PDE4B: variants seen among roughly 807,000 people sequenced by gnomAD.
The protein encoded by PDE4B is 3',5'-cyclic-AMP phosphodiesterase 4B.
A neutral mutation model predicts 82.2 loss-of-function variants in PDE4B; 20 were observed. The ratio of observed to expected loss-of-function variants is 0.24; its 90% CI spans 0.17 to 0.35. PDE4B has a LOEUF of 0.35. PDE4B is among the 10% of genes least tolerant of loss of function. The pLI, the probability that PDE4B is intolerant of heterozygous loss-of-function variation, is 1.00. For synonymous variants in PDE4B, 320 were observed against 318.9 expected, an observed-to-expected ratio of 1.00 and a Z score of -0.04; for missense variants, 655 against 907.2, an observed-to-expected ratio of 0.72 and a Z score of 3.57.
chr1:66,257,522 T>C, intron 4 of PDE4B, 125 bp from the exon 5 acceptor site: 1 of 987,268 alleles, frequency 1.0e-6, no homozygotes, highest in Non-Finnish European at 1.6e-6. Flanking sequence ...CTGTCTTATA[T>C]CCAGGTAGAA....
At chr1:65,922,684 G>C (rs1647290941) in intron 3 of PDE4B, among the ~76,000 whole-genome samples, 2 of 152,118 alleles carry the variant, frequency 1.3e-5, no homozygotes. Flanking sequence ...AAAGTAGAGG[G>C]AAGGATTGAA....
chr1:65,967,189 A>G (rs1460795196), intron 3 of PDE4B, among the ~76,000 whole-genome samples: 1 of 152,220 alleles, frequency 6.6e-6, no homozygotes, highest in Non-Finnish European at 1.5e-5. Context: ...ACAAATTTAC[A>G]AGAAAAAAAA....
At chr1:66,118,131 A>G (rs1318403226) in intron 3 of PDE4B, among the ~76,000 whole-genome samples, 2 of 152,128 alleles carry the variant, frequency 1.3e-5, no homozygotes, top group Non-Finnish European at 2.9e-5. Flanking sequence ...GTCTGTTCAT[A>G]TCCTTCACCC....
At chr1:65,958,763 C>CAG (rs904674816) in intron 3 of PDE4B, among the ~76,000 whole-genome samples, 4 of 149,012 alleles carry the variant, frequency 2.7e-5, no homozygotes, top group Admixed American at 1.3e-4. Flanking sequence ...CGCGCGCGCG[C>CAG]GCACACACAT....
At chr1:66,269,680 C>T (rs1186672470) in intron 7 of PDE4B, among the ~76,000 whole-genome samples, 1 of 152,136 alleles carries the variant, frequency 6.6e-6, no homozygotes, top group Non-Finnish European at 1.5e-5. Context: ...TGATAATTGT[C>T]GCCTTTTTTC....
intron 1 of PDE4B, among the ~76,000 whole-genome samples, chr1:65,878,385 G>A (rs1489094736): frequency 1.3e-5 from 2 of 152,144 alleles, no homozygotes; most frequent in Non-Finnish European, 2.9e-5. Context: ...TACTGGGTAT[G>A]TACCCAAAGG....
At chr1:65,843,676 G>T (rs552371049) in intron 1 of PDE4B, among the ~76,000 whole-genome samples, 2 of 151,788 alleles carry the variant, frequency 1.3e-5, no homozygotes, top group East Asian at 1.9e-4. Context: ...GACAGGATTT[G>T]TTTTTTTTCC....
At chr1:66,164,023 G>A (rs1341679495) in intron 3 of PDE4B, among the ~76,000 whole-genome samples, 1 of 152,142 alleles carries the variant, frequency 6.6e-6, no homozygotes, top group East Asian at 1.9e-4. Context: ...TTGTCTATAA[G>A]TATGCAAGTC....
intron 1 of PDE4B, among the ~76,000 whole-genome samples, chr1:65,834,811 A>G (rs1646122816): frequency 6.6e-6 from 1 of 152,118 alleles, no homozygotes; most frequent in Non-Finnish European, 1.5e-5. Context: ...TCACACCAAA[A>G]TCAATAGAGA....
At chr1:66,178,466 T>C (rs1313680770) in intron 3 of PDE4B, among the ~76,000 whole-genome samples, 1 of 152,206 alleles carries the variant, frequency 6.6e-6, no homozygotes, top group Non-Finnish European at 1.5e-5. Flanking sequence ...TACTGATTTC[T>C]TGATTGCTAA....
intron 16 of PDE4B, among the ~76,000 whole-genome samples, chr1:66,371,371 A>T (rs918534268): frequency 6.6e-6 from 1 of 151,342 alleles, no homozygotes; most frequent in African/African-American, 2.4e-5. Flanking sequence ...CCCTCATTCA[A>T]CTAGTGCCTG....
intron 3 of PDE4B, among the ~76,000 whole-genome samples, chr1:66,195,395 G>A (rs978404362): frequency 2.0e-5 from 3 of 152,296 alleles, no homozygotes; most frequent in Middle Eastern, 6.8e-3. Flanking sequence ...ACTAAAAGGA[G>A]TCTTTAAGTA....
chr1:66,259,225 G>A (rs1179238888), intron 6 of PDE4B, among the ~76,000 whole-genome samples: 9 of 152,024 alleles, frequency 5.9e-5, no homozygotes, highest in Non-Finnish European at 1.2e-4. Context: ...ATGGATATAT[G>A]CATTTAACAA....
chr1:66,249,762 T>A (rs1391679443), intron 4 of PDE4B, among the ~76,000 whole-genome samples: 1 of 150,658 alleles, frequency 6.6e-6, no homozygotes, highest in Admixed American at 6.7e-5. Flanking sequence ...TTATTTAATA[T>A]CATTCTCACT....
chr1:66,240,173 CCA>C (rs1652781002), intron 3 of PDE4B, among the ~76,000 whole-genome samples: 1 of 152,196 alleles, frequency 6.6e-6, no homozygotes, highest in African/African-American at 2.4e-5. Context: ...ACCGTATCAC[CCA>C]CAGTCAGTCT....
At chr1:66,342,435 C>A (rs534340753) in intron 8 of PDE4B, among the ~76,000 whole-genome samples, 1 of 151,366 alleles carries the variant, frequency 6.6e-6, no homozygotes. Flanking sequence ...AGTGACTGGG[C>A]GCAGTGGCTC....
At chr1:66,041,527 T>G (rs572033754) in intron 3 of PDE4B, among the ~76,000 whole-genome samples, 13 of 152,042 alleles carry the variant, frequency 8.6e-5, no homozygotes, top group Admixed American at 7.2e-4. Context: ...CTGTCATTGC[T>G]TATACTTTAC....
chr1:65,860,381 CT>C (rs1251673946), intron 1 of PDE4B, among the ~76,000 whole-genome samples: 1 of 152,130 alleles, frequency 6.6e-6, no homozygotes, highest in Non-Finnish European at 1.5e-5. Flanking sequence ...TGAACTCATC[CT>C]TTTTTATGGC....
intron 1 of PDE4B, among the ~76,000 whole-genome samples, chr1:65,797,205 C>T (rs61797034): frequency 2.0e-5 from 3 of 152,120 alleles, no homozygotes; most frequent in East Asian, 3.9e-4. Context: ...CCACCTGCCT[C>T]GGCCTCCCAA....
Sources: allele counts gnomAD v4.1 joint callset (sites outside exome capture counted in the v4.1 genomes callset), GRCh38; gene constraint gnomAD v4.1.1; transcripts MANE v1.5; gene names NCBI Gene and HGNC (gene_info 2026-07-23, HGNC 2026-07-21).